Variants in TAGLN3 observed in about 807,000 individuals in gnomAD.
The protein encoded by TAGLN3 is transgelin-3.
In TAGLN3, 12 loss-of-function variants were observed where a neutral mutation model predicts 25.4. That is an observed-to-expected ratio of 0.47 (90% confidence interval 0.30 to 0.77). The LOEUF is 0.77. TAGLN3 is among the 30% of genes least tolerant of loss of function. TAGLN3 has a pLI of 0.06. For missense variants in TAGLN3, 218 were observed against 255.8 expected (o/e 0.85, Z 1.01); for synonymous variants, 96 against 94.8 (o/e 1.01, Z -0.08).
intron 3 of TAGLN3, among the ~76,000 whole-genome samples, chr3:112,005,475 C>T (rs2072905792): frequency 6.6e-6 from 1 of 152,062 alleles, no homozygotes; most frequent in Admixed American, 6.6e-5. Context: ...TGCCTGTTCC[C>T]CCTTTGATGA....
chr3:112,013,771 G>A lies in TAGLN3; in HGVS notation c.*220G>A. The A allele has an allele frequency of 1.6e-6, 1 of 637,328 alleles. No individual in the cohort carries two copies. Among genetic ancestry groups the A allele is most frequent in the East Asian group, 2.9e-5 (1 of 34,218 alleles). 39.5% of individuals were successfully genotyped at this position (637,328 alleles called of 1,614,324 possible). ...AAAGACTCCGCTTCCGTTTTCCTGA[G>A]CTCCTCGGGCCCCAGAGTCTCTGTT... is the stretch of plus-strand genomic sequence containing the variant. On this transcript the variant is annotated 3_prime_UTR_variant, in exon 5 of 5. Coordinates refer to ENST00000478951, the MANE Select transcript of TAGLN3 (RefSeq NM_001008272.2).
At chr3:112,006,262 A>C (rs949945310) in intron 3 of TAGLN3, among the ~76,000 whole-genome samples, 1 of 152,170 alleles carries the variant, frequency 6.6e-6, no homozygotes, top group African/African-American at 2.4e-5. Context: ...TGAGGCCAAG[A>C]ATTTGTATTT....
At chr3:112,011,137 G>C (rs1052697273) in intron 3 of TAGLN3, among the ~76,000 whole-genome samples, 1 of 152,184 alleles carries the variant, frequency 6.6e-6, no homozygotes, top group Non-Finnish European at 1.5e-5. Context: ...GTTTAGGACA[G>C]GTCAGTCAAC....
intron 4 of TAGLN3, among the ~76,000 whole-genome samples, chr3:112,012,687 G>A (rs955489694): frequency 1.4e-4 from 22 of 151,850 alleles, no homozygotes; most frequent in Non-Finnish European, 2.8e-4. Flanking sequence ...TGAGAGGTTG[G>A]CCATTTGAAA....
intron 3 of TAGLN3, among the ~76,000 whole-genome samples, chr3:112,009,308 A>G (rs1337574948): frequency 6.6e-6 from 1 of 152,226 alleles, no homozygotes; most frequent in Non-Finnish European, 1.5e-5. Context: ...GGATGAAGAC[A>G]TGGAGAAACC....
chr3:112,011,901 C>T lies in TAGLN3; in HGVS notation c.458+36C>T, dbSNP rs73853279. The T allele has an allele frequency of 3.4e-3, 5,377 of 1,591,764 alleles. 132 individuals are homozygous for T. The African/African-American group carries it at 0.062, about 18-fold the overall frequency. On this transcript the variant is annotated intron_variant, in intron 4 of 4. Coordinates refer to ENST00000478951, the MANE Select transcript of TAGLN3 (RefSeq NM_001008272.2). ...CTTCCTTGCCCCCTGGACCACAAGG[C>T]GATTTTAACCAGAGGGAGGGTCTGA... is the stretch of plus-strand genomic sequence containing the variant.
chr3:112,011,711 C>T, intron 3 of TAGLN3, 52 bp from the exon 4 acceptor site: 2 of 1,536,030 alleles, frequency 1.3e-6, no homozygotes, highest in Non-Finnish European at 1.8e-6. Flanking sequence ...ATCCTTCCAG[C>T]ATTCCTTGGC....
At chr3:112,012,276 C>CT (rs1425558518) in intron 4 of TAGLN3, among the ~76,000 whole-genome samples, 6 of 118,592 alleles carry the variant, frequency 5.1e-5, no homozygotes, top group South Asian at 3.1e-4. Context: ...TCCTTCCTTC[C>CT]TCCTTCCCTC....
rs1394848713 is a variant in TAGLN3 at position 112,011,756 on chromosome 3, C to T, written c.356-7C>T. 1 of 1,610,490 alleles carries T rather than the reference C, an allele frequency of 6.2e-7. No individual in the cohort carries two copies. Among genetic ancestry groups the T allele is most frequent in the Admixed American group, 1.7e-5 (1 of 59,698 alleles). On this transcript the variant is annotated splice_region_variant and splice_polypyrimidine_tract_variant and intron_variant, in intron 3 of 4. Coordinates refer to ENST00000478951, the MANE Select transcript of TAGLN3 (RefSeq NM_001008272.2). ...TGCTTGGCTTTAAGCTCTTTGTTGG[C>T]TTCCAGGGAAGGACATGGCAGCTGT... is the stretch of plus-strand genomic sequence containing the variant.
chr3:112,012,619 A>T (rs1055842944), intron 4 of TAGLN3, among the ~76,000 whole-genome samples: 10 of 144,188 alleles, frequency 6.9e-5, no homozygotes, highest in African/African-American at 2.6e-4. Context: ...GACAGTTATT[A>T]AAAAAAAAAA....
intron 3 of TAGLN3, among the ~76,000 whole-genome samples, chr3:112,007,651 G>C (rs1033150822): frequency 6.6e-6 from 1 of 152,212 alleles, no homozygotes; most frequent in Admixed American, 6.5e-5. Flanking sequence ...TGGCTTTCAA[G>C]CTCACTTGAG....
Position 111,999,024 on chromosome 3 carries a change from C to T in TAGLN3, c.-93C>T, listed in dbSNP as rs746584369. 28 of 156,694 alleles carry T rather than the reference C, an allele frequency of 1.8e-4. No individual in the cohort carries two copies. Among genetic ancestry groups the T allele is most frequent in the South Asian group, 8.1e-4 (4 of 4,944 alleles). 9.7% of individuals were successfully genotyped at this position (156,694 alleles called of 1,614,324 possible). A position where few individuals can be genotyped will look rare whatever the true frequency, so the allele number is the denominator to read the frequency against. ...GCTAATTACCTGCTCTTCCCGATCTCATCGTTTCTGCCTTTGCAAAGTGCT... is the reference window on the plus strand; with the variant it reads ...GCTAATTACCTGCTCTTCCCGATCTTATCGTTTCTGCCTTTGCAAAGTGCT... On this transcript the variant is annotated 5_prime_UTR_variant, in exon 1 of 5. Transcript: ENST00000478951.
Position 111,999,019 on chromosome 3 carries a change from G to T in TAGLN3, c.-98G>T, listed in dbSNP as rs377693673. 22 of 155,804 alleles carry T rather than the reference G, an allele frequency of 1.4e-4. No individual in the cohort carries two copies. In the East Asian group the frequency reaches 2.4e-3, roughly 17 times the overall value. 9.7% of individuals were successfully genotyped at this position (155,804 alleles called of 1,614,324 possible). A position where few individuals can be genotyped will look rare whatever the true frequency, so the allele number is the denominator to read the frequency against. The stretch of plus-strand genomic sequence containing the variant: ...TGCCTGCTAATTACCTGCTCTTCCC[G>T]ATCTCATCGTTTCTGCCTTTGCAAA... On this transcript the variant is annotated 5_prime_UTR_variant, in exon 1 of 5. Coordinates refer to ENST00000478951, the MANE Select transcript of TAGLN3 (RefSeq NM_001008272.2).
intron 3 of TAGLN3, among the ~76,000 whole-genome samples, chr3:112,003,512 G>A (rs1414498212): frequency 6.6e-6 from 1 of 152,158 alleles, no homozygotes; most frequent in Non-Finnish European, 1.5e-5. Flanking sequence ...GGGTTGGCAC[G>A]TGTTATGTGT....
At chr3:112,012,658 C>T (rs1457459826) in intron 4 of TAGLN3, among the ~76,000 whole-genome samples, 5 of 151,732 alleles carry the variant, frequency 3.3e-5, no homozygotes, top group Non-Finnish European at 7.4e-5. Context: ...TTTTAAAGAA[C>T]ACTCGCCCTG....
At chr3:112,002,300 A>G (rs1165599264) in intron 3 of TAGLN3, among the ~76,000 whole-genome samples, 1 of 152,240 alleles carries the variant, frequency 6.6e-6, no homozygotes, top group Non-Finnish European at 1.5e-5. Flanking sequence ...AGTTCTGCTA[A>G]CAATCCTATG....
intron 4 of TAGLN3, among the ~76,000 whole-genome samples, chr3:112,012,495 T>G (rs964069230): frequency 1.3e-5 from 2 of 152,078 alleles, no homozygotes; most frequent in African/African-American, 4.8e-5. Flanking sequence ...AAAATGATTT[T>G]TTTTTCAGGG....
intron 3 of TAGLN3, among the ~76,000 whole-genome samples, chr3:112,006,603 A>G (rs2072919990): frequency 6.6e-6 from 1 of 152,256 alleles, no homozygotes. Context: ...GATATATAAT[A>G]GAAGTATAAT....
At chr3:111,999,363 C>T (rs1325588679) in intron 1 of TAGLN3, 58 bp from the exon 2 acceptor site, 6 of 1,578,206 alleles carry the variant, frequency 3.8e-6, no homozygotes, top group Non-Finnish European at 5.2e-6. Context: ...TGCAGGGAGC[C>T]GGAGGCTGCT....
Sources: allele counts gnomAD v4.1 joint callset (sites outside exome capture counted in the v4.1 genomes callset), GRCh38; gene constraint gnomAD v4.1.1; transcripts MANE v1.5; gene names NCBI Gene and HGNC (gene_info 2026-07-23, HGNC 2026-07-21).